Variants in KDM2A observed in about 807,000 individuals in gnomAD.
KDM2A encodes the protein lysine-specific demethylase 2A.
A neutral mutation model predicts 137.3 loss-of-function variants in KDM2A; 3 were observed. That is an observed-to-expected ratio of 0.02 (90% CI 0.01 to 0.06). The LOEUF is 0.06. KDM2A is among the 10% of genes least tolerant of loss of function. The pLI, the probability that KDM2A is intolerant of heterozygous loss-of-function variation, is 1.00. For missense variants in KDM2A, 738 were observed against 1,510.6 expected, an observed-to-expected ratio of 0.49 and a Z score of 8.48; for synonymous variants, 512 against 541.5, an observed-to-expected ratio of 0.95 and a Z score of 0.76.
chr11:67,152,869 T>TA (rs1856424973), intron 2 of KDM2A, among the ~76,000 whole-genome samples: 1 of 151,704 alleles, frequency 6.6e-6, no homozygotes, highest in Non-Finnish European at 1.5e-5. Context: ...ATTTTTAATT[T>TA]TATATATCAG....
intron 2 of KDM2A, among the ~76,000 whole-genome samples, chr11:67,170,389 TTTTTTTTTTTCTTTCTTTC>T (rs1856855718): frequency 7.9e-6 from 1 of 126,162 alleles, no homozygotes; most frequent in African/African-American, 4.9e-5. Context: ...AGCATGGGGT[TTTTTTTTTTTCTTTCTTTC>T]TTTTTTTTTT....
chr11:67,188,543 A>G (rs540811484), intron 5 of KDM2A, among the ~76,000 whole-genome samples: 3 of 150,778 alleles, frequency 2.0e-5, no homozygotes, highest in African/African-American at 7.3e-5. Flanking sequence ...CTGTAATCCC[A>G]ACTTTGGGAG....
chr11:67,172,616 TTGTGTGTGTGTG>T (rs35333315), intron 2 of KDM2A, among the ~76,000 whole-genome samples: 14 of 146,526 alleles, frequency 9.6e-5, no homozygotes, highest in East Asian at 2.0e-4. Flanking sequence ...GCTCTTATAG[TTGTGTGTGTGTG>T]TGTGTGTGTG....
chr11:67,180,019 C>T (rs1857053595), intron 2 of KDM2A, 60 bp from the exon 3 acceptor site: 3 of 1,525,942 alleles, frequency 2.0e-6, no homozygotes, highest in South Asian at 1.3e-5. Flanking sequence ...AATCTATGAC[C>T]ACTTGTAGGT....
At chr11:67,252,500 G>A (rs1017150274) in intron 17 of KDM2A, 194 bp from the exon 18 acceptor site, 4 of 617,036 alleles carry the variant, frequency 6.5e-6, no homozygotes, top group East Asian at 5.7e-5. Flanking sequence ...TTTGCAAAGC[G>A]TCTAGTTGTT....
At chr11:67,142,509 G>A (rs1856129606) in intron 2 of KDM2A, among the ~76,000 whole-genome samples, 1 of 149,068 alleles carries the variant, frequency 6.7e-6, no homozygotes, top group African/African-American at 2.5e-5. Flanking sequence ...AAATTAGCCG[G>A]GTGTGGTGGC....
intron 2 of KDM2A, among the ~76,000 whole-genome samples, chr11:67,177,133 C>T (rs1222243719): frequency 6.6e-6 from 1 of 151,592 alleles, no homozygotes; most frequent in African/African-American, 2.4e-5. Context: ...ACTCGGGAGG[C>T]TGAGGCGAGA....
Position 67,121,346 on chromosome 11 carries a change from C to T in KDM2A, c.30C>T (p.Tyr10=), listed in dbSNP as rs1274850240. The T allele has an allele frequency of 1.2e-6, 2 of 1,613,654 alleles. No individual in the cohort carries two copies. The highest frequency in any genetic ancestry group is 1.7e-5 in the Admixed American group (1 of 59,998). Residue 10 remains tyrosine (Y), a synonymous_variant, in exon 2 of 21, where the codon TAC becomes TAT. Coordinates refer to ENST00000529006, the MANE Select transcript of KDM2A (RefSeq NM_012308.3). The part of the protein sequence containing the change: MEPEEERIR[Y]SQRLRGTMRR... ...AACCCGAAGAAGAAAGGATTCGTTA[C>T]AGCCAGAGATTGGTTAGTATTTTCT...
chr11:67,238,257 C>T (rs993856882), intron 12 of KDM2A, among the ~76,000 whole-genome samples: 1 of 151,914 alleles, frequency 6.6e-6, no homozygotes, highest in African/African-American at 2.4e-5. Context: ...TTCCTAGTGC[C>T]CGATGTGATT....
At chr11:67,166,950 C>T (rs900534950) in intron 2 of KDM2A, among the ~76,000 whole-genome samples, 21 of 151,736 alleles carry the variant, frequency 1.4e-4, no homozygotes, top group African/African-American at 3.4e-4. Flanking sequence ...TGGTGGTGCA[C>T]GCCTGTAATC....
intron 2 of KDM2A, among the ~76,000 whole-genome samples, chr11:67,152,870 T>A (rs1166465564): frequency 6.6e-6 from 1 of 151,790 alleles, no homozygotes; most frequent in Non-Finnish European, 1.5e-5. Flanking sequence ...TTTTTAATTT[T>A]ATATATCAGT....
At chr11:67,177,078 C>T (rs1424305579) in intron 2 of KDM2A, among the ~76,000 whole-genome samples, 1 of 151,874 alleles carries the variant, frequency 6.6e-6, no homozygotes, top group Non-Finnish European at 1.5e-5. Context: ...GCCAACATGG[C>T]GAAACCCTGT....
At chr11:67,253,397 C>T in intron 18 of KDM2A, 56 bp from the exon 19 acceptor site, 1 of 1,494,028 alleles carries the variant, frequency 6.7e-7, no homozygotes, top group Non-Finnish European at 9.3e-7. Context: ...ATCGTTACGG[C>T]TCTGAGTATG....
intron 2 of KDM2A, among the ~76,000 whole-genome samples, chr11:67,153,633 A>G (rs1856447416): frequency 6.6e-6 from 1 of 152,176 alleles, no homozygotes; most frequent in African/African-American, 2.4e-5. Context: ...AACCTGGGCA[A>G]CATAGTAAGA....
At chr11:67,195,077 C>T (rs1256243469) in intron 5 of KDM2A, among the ~76,000 whole-genome samples, 2 of 152,050 alleles carry the variant, frequency 1.3e-5, no homozygotes, top group East Asian at 3.9e-4. Context: ...AGGCAATAAC[C>T]TAAAGACATT....
chr11:67,219,258 A>T, intron 9 of KDM2A, 30 bp from the exon 10 acceptor site: 1 of 1,185,658 alleles, frequency 8.4e-7, no homozygotes, highest in South Asian at 1.5e-5. Flanking sequence ...GTGTGTTTTC[A>T]GCCACTGCCC....
chr11:67,241,339 A>G (rs1859035245), intron 12 of KDM2A, among the ~76,000 whole-genome samples: 1 of 152,142 alleles, frequency 6.6e-6, no homozygotes, highest in Non-Finnish European at 1.5e-5. Context: ...AAGTAAATAA[A>G]ACATCCGCAG....
intron 2 of KDM2A, among the ~76,000 whole-genome samples, chr11:67,137,474 AGATTCTATGATT>A (rs949265492): frequency 6.6e-6 from 1 of 152,160 alleles, no homozygotes; most frequent in Admixed American, 6.6e-5. Flanking sequence ...TCTATGATTG[AGATTCTATGATT>A]GATTCTATGA....
At position 67,215,907 on chromosome 11, in the gene KDM2A, T is replaced by C. The variant is rs1386472516; in HGVS notation, c.645T>C (p.Phe215=). The C allele has an allele frequency of 3.7e-6, 6 of 1,613,868 alleles. No individual in the cohort carries two copies. Among genetic ancestry groups the C allele is most frequent in the East Asian group, 2.2e-5 (1 of 44,876 alleles). ...RGCYTDFHVD[F]GGTSVWYHIH... is the part of the protein sequence containing the mutation. ...GCTATACTGACTTCCATGTGGACTT[T>C]GGTGGTACCTCTGTTTGGTATCACA... is the stretch of plus-strand genomic sequence containing the variant. The change falls in exon 8 of 21, where the codon TTT becomes TTC. Residue 215 remains phenylalanine (F), a synonymous_variant. Coordinates refer to ENST00000529006, the MANE Select transcript of KDM2A (RefSeq NM_012308.3).
Sources: gnomAD v4.1 joint callset for allele counts (sites outside exome capture counted in the v4.1 genomes callset) on GRCh38, gnomAD v4.1.1 for gene constraint, MANE v1.5 for transcripts, NCBI Gene and HGNC (gene_info 2026-07-23, HGNC 2026-07-21) for gene names.